LAMA3: variants seen among roughly 807,000 people sequenced by gnomAD.
LAMA3 encodes laminin subunit alpha 3, also known as laminin subunit alpha-3.
A neutral mutation model predicts 402.0 loss-of-function variants in LAMA3; 281 were observed. The observed-to-expected ratio is 0.70, with a 90% CI of 0.63 to 0.77. The LOEUF is 0.77. Ranked by LOEUF, LAMA3 falls within the 30% of genes least tolerant of loss-of-function variation. LAMA3 has a pLI of 0.00. For missense variants in LAMA3, 3,840 were observed against 4,215.5 expected, an observed-to-expected ratio of 0.91 and a Z score of 2.47; for synonymous variants, 1,431 against 1,558.4, an observed-to-expected ratio of 0.92 and a Z score of 1.93.
chr18:23,698,471 C>G (rs1227113353), intron 1 of LAMA3, among the ~76,000 whole-genome samples: 2 of 152,162 alleles, frequency 1.3e-5, no homozygotes, highest in Non-Finnish European at 1.5e-5. Context: ...TCCCAAAGTG[C>G]TGGGATTACA....
chr18:23,811,787 C>T (rs1270972674), intron 13 of LAMA3, among the ~76,000 whole-genome samples: 3 of 152,034 alleles, frequency 2.0e-5, no homozygotes, highest in African/African-American at 7.2e-5. Context: ...GAGGCTGAGG[C>T]GGGAGGATTG....
At chr18:23,888,441 A>G (rs1052905230) in intron 41 of LAMA3, among the ~76,000 whole-genome samples, 3 of 152,220 alleles carry the variant, frequency 2.0e-5, no homozygotes, top group Non-Finnish European at 4.4e-5. Flanking sequence ...TATTCATTCA[A>G]CAAATGAATG....
chr18:23,824,317 T>C (rs930638669), intron 20 of LAMA3, 106 bp from the exon 21 acceptor site: 4 of 1,139,378 alleles, frequency 3.5e-6, no homozygotes, highest in Admixed American at 1.7e-5. Context: ...GTACATATCA[T>C]CTTAAACTTT....
intron 42 of LAMA3, among the ~76,000 whole-genome samples, chr18:23,894,057 G>T (rs2080789661): frequency 6.6e-6 from 1 of 152,128 alleles, no homozygotes; most frequent in Non-Finnish European, 1.5e-5. Flanking sequence ...GGCTTCCTGG[G>T]CACTGGCATG....
chr18:23,860,359 A>C (rs2064189830), intron 34 of LAMA3, among the ~76,000 whole-genome samples: 1 of 150,692 alleles, frequency 6.6e-6, no homozygotes, highest in African/African-American at 2.4e-5. Flanking sequence ...CCAGGGCTCA[A>C]GCAATCTTCC....
chr18:23,917,092 C>G (rs1299820947), intron 60 of LAMA3, among the ~76,000 whole-genome samples: 1 of 152,132 alleles, frequency 6.6e-6, no homozygotes, highest in Non-Finnish European at 1.5e-5. Context: ...CAATGTTTAA[C>G]TCTCACTTAT....
intron 38 of LAMA3, among the ~76,000 whole-genome samples, chr18:23,874,465 G>C (rs879486570): frequency 6.6e-6 from 1 of 152,144 alleles, no homozygotes; most frequent in Non-Finnish European, 1.5e-5. Context: ...TATACTCTTT[G>C]CCCTAAACAT....
chr18:23,772,834 A>G (rs2062230857), intron 8 of LAMA3, among the ~76,000 whole-genome samples: 1 of 152,258 alleles, frequency 6.6e-6, no homozygotes, highest in Admixed American at 6.5e-5. Flanking sequence ...GAAATGAGCT[A>G]GATCCATAGT....
chr18:23,796,535 A>G (rs577414941), intron 12 of LAMA3, among the ~76,000 whole-genome samples: 136 of 152,354 alleles, frequency 8.9e-4, no homozygotes, highest in African/African-American at 3.1e-3. Flanking sequence ...AAGATTGGGA[A>G]ACCCTGTGAG....
intron 48 of LAMA3, 52 bp from the exon 49 acceptor site, chr18:23,902,957 C>A: frequency 9.8e-7 from 1 of 1,019,246 alleles, no homozygotes; most frequent in Non-Finnish European, 1.6e-6. Context: ...TTTGTCTATG[C>A]CTTCTGATAA....
chr18:23,778,744 G>A (rs1036266581), intron 11 of LAMA3, among the ~76,000 whole-genome samples: 62 of 152,336 alleles, frequency 4.1e-4, no homozygotes, highest in African/African-American at 1.4e-3. Flanking sequence ...CACTGGGGAG[G>A]AGGTAGTGCC....
intron 68 of LAMA3, among the ~76,000 whole-genome samples, chr18:23,942,090 A>C (rs776114159): frequency 1.3e-5 from 2 of 152,238 alleles, no homozygotes; most frequent in Non-Finnish European, 2.9e-5. Flanking sequence ...TCACAGAATT[A>C]AAAAGCAAAG....
At chr18:23,784,227 A>T in intron 12 of LAMA3, 70 bp downstream of exon 12, 1 of 1,580,030 alleles carries the variant, frequency 6.3e-7, no homozygotes, top group Non-Finnish European at 8.7e-7. Context: ...GGAAATGCAG[A>T]TCTTTCTGGC....
Position 23,894,328 on chromosome 18 carries a change from G to T in LAMA3, c.5441G>T (p.Ser1814Ile), listed in dbSNP as rs762381297. Reference sequence around the variant, plus strand: ...ATAAACCAAGAACCCAAAGATAGCAGCCCTGCAGAAGAATGTGATGGTGAG... The same window carrying T: ...ATAAACCAAGAACCCAAAGATAGCATCCCTGCAGAAGAATGTGATGGTGAG... ...DCINQEPKDS[S>I]PAEECDDCDS... The change falls in exon 43 of 75, where the codon AGC becomes ATC. Residue 1814 changes from serine to isoleucine, a missense_variant. Transcript: ENST00000313654. 1 of 1,613,634 alleles carries T rather than the reference G, an allele frequency of 6.2e-7. No individual in the cohort carries two copies. Among genetic ancestry groups the T allele is most frequent in the Non-Finnish European group, 8.5e-7 (1 of 1,179,532 alleles).
At chr18:23,763,573 A>G in intron 8 of LAMA3, 50 bp downstream of exon 8, 1 of 1,101,808 alleles carries the variant, frequency 9.1e-7, no homozygotes, top group South Asian at 1.2e-5. Context: ...GGGAATGAGT[A>G]TTCAGTAAGC....
intron 11 of LAMA3, among the ~76,000 whole-genome samples, chr18:23,778,769 A>T (rs1477465524): frequency 6.6e-6 from 1 of 152,202 alleles, no homozygotes; most frequent in Non-Finnish European, 1.5e-5. Flanking sequence ...ATGTGTGAGC[A>T]CGAGTGCCCC....
chr18:23,700,004 G>A (rs191962001), intron 1 of LAMA3, among the ~76,000 whole-genome samples: 35 of 152,142 alleles, frequency 2.3e-4, no homozygotes, highest in Admixed American at 1.6e-3. Flanking sequence ...TAGTAATTAC[G>A]AAAATTAATC....
intron 1 of LAMA3, among the ~76,000 whole-genome samples, chr18:23,700,998 A>G (rs978899693): frequency 5.3e-5 from 8 of 152,212 alleles, no homozygotes; most frequent in Non-Finnish European, 1.0e-4. Context: ...ACGCCCTGTC[A>G]TAAGTGGTAA....
At chr18:23,921,310 A>G (rs2081828815) in intron 61 of LAMA3, 142 bp from the exon 62 acceptor site, 2 of 952,524 alleles carry the variant, frequency 2.1e-6, no homozygotes, top group African/African-American at 3.3e-5. Context: ...TTTTATCCAA[A>G]AATGCTACTG....
Sources: allele counts gnomAD v4.1 joint callset (sites outside exome capture counted in the v4.1 genomes callset), GRCh38; gene constraint gnomAD v4.1.1; transcripts MANE v1.5; gene names NCBI Gene and HGNC (gene_info 2026-07-23, HGNC 2026-07-21).